Variants in GABRD observed in about 807,000 individuals in gnomAD.
GABRD encodes the protein gamma-aminobutyric acid receptor subunit delta.
In GABRD, 25 loss-of-function variants were observed where a neutral mutation model predicts 47.3. The ratio of observed to expected loss-of-function variants is 0.53; its 90% CI spans 0.39 to 0.74. The LOEUF (loss-of-function observed/expected upper bound fraction) is 0.74, where lower values mean the gene tolerates loss of function less well. Among genes scored for constraint, GABRD ranks in the 30% least tolerant of loss-of-function variants. The probability of loss-of-function intolerance (pLI) is 0.00; values close to 1 mark genes in which losing one functional copy is unlikely to be tolerated. For missense variants in GABRD, 497 were observed against 643.4 expected (o/e 0.77, Z 2.46); for synonymous variants, 314 against 278.8 (o/e 1.13, Z -1.26).
intron 8 of GABRD, 43 bp downstream of exon 8, chr1:2,029,805 C>T (rs966994022): frequency 5.1e-6 from 8 of 1,574,312 alleles, no homozygotes; most frequent in Admixed American, 1.7e-5. Context: ...TGCTGGGGGC[C>T]CCAACCAGGA....
intron 1 of GABRD, among the ~76,000 whole-genome samples, chr1:2,021,758 T>C (rs1311832292): frequency 6.6e-6 from 1 of 152,194 alleles, no homozygotes; most frequent in Non-Finnish European, 1.5e-5. Context: ...GGTGCTCCTC[T>C]TCGCCTTGGT....
rs549716183 is a variant in GABRD at position 2,025,756 on chromosome 1, C to G, written c.470+18C>G. On this transcript the variant is annotated intron_variant, in intron 4 of 8. Coordinates refer to ENST00000378585, the MANE Select transcript of GABRD (RefSeq NM_000815.5). ...AGCATCCGGTGAGCGGGCTGCCCAC[C>G]CGGACTCCGGGGGAGAGCCTGCCCG... The G allele has an allele frequency of 6.2e-7, 1 of 1,605,498 alleles. No homozygotes were observed. Among genetic ancestry groups the G allele is most frequent in the East Asian group, 2.2e-5 (1 of 44,726 alleles).
chr1:2,025,703 G>T lies in GABRD; in HGVS notation c.435G>T (p.Arg145=). The change falls in exon 4 of 9, where the codon CGG becomes CGT. Residue 145 remains arginine (R), a synonymous_variant. Transcript: ENST00000378585. ...TGACGGTGGAGAACAAGCTCATCCG[G>T]CTGCAGCCCGACGGCGTGATCCTGT... The part of the protein sequence containing the change: ...HDVTVENKLI[R]LQPDGVILYS... 1.9e-6 allele frequency: 3 copies of T among 1,612,896 alleles called. No homozygotes were observed. Among genetic ancestry groups the T allele is most frequent in the Non-Finnish European group, 2.5e-6 (3 of 1,179,994 alleles).
intron 4 of GABRD, 159 bp downstream of exon 4, chr1:2,025,897 C>A: frequency 1.6e-6 from 1 of 626,608 alleles, no homozygotes; most frequent in East Asian, 2.8e-5. Flanking sequence ...TATTTATATC[C>A]CCCGCAGCTG....
chr1:2,027,809 G>A (rs550564760), intron 5 of GABRD, 150 bp downstream of exon 5: 23 of 741,992 alleles, frequency 3.1e-5, no homozygotes, highest in South Asian at 6.6e-5. Flanking sequence ...GGCAGGAGGA[G>A]AAGGGGCCAG....
chr1:2,029,286 C>T lies in GABRD; in HGVS notation c.847+20C>T, dbSNP rs1417794289. 6.5e-6 allele frequency: 10 copies of T among 1,545,688 alleles called. No homozygotes were observed. Among genetic ancestry groups the T allele is most frequent in the African/African-American group, 1.4e-5 (1 of 73,228 alleles). ...CTCTAGGTACGGGGCCTCGCCGCTG[C>T]TCCGAGGGAGCTGGAAGGGCGGCCC... is the stretch of plus-strand genomic sequence containing the variant. On this transcript the variant is annotated intron_variant, in intron 7 of 8. Transcript: ENST00000378585.
rs1401170755 is a variant in GABRD, at chr1:2,028,486, C to T, written c.691+194C>T. ...GACGCTGCTGCCTTAGGAACTTGCT[C>T]ATTGGCACCAGCTGCACCTGAACCA... On this transcript the variant is annotated intron_variant, in intron 6 of 8. Transcript: ENST00000378585. The surrounding 1 kb of genome is among the most constrained non-coding windows in gnomAD (Gnocchi z 6.4). Among the ~76,000 whole-genome samples, 1 of 152,288 alleles carries T rather than the reference C, an allele frequency of 6.6e-6. No homozygotes were observed. The highest frequency in any genetic ancestry group is 2.4e-5 in the African/African-American group (1 of 41,574).
At position 2,030,106 on chromosome 1, in the gene GABRD, G is replaced by T. The variant is rs763081509; in HGVS notation, c.1183G>T (p.Gly395Trp). Residue 395 changes from glycine to tryptophan, a missense_variant, in exon 9 of 9, where the codon GGG (glycine) becomes TGG (tryptophan). Transcript: ENST00000378585. Reference sequence around the variant, plus strand: ...CCTGATGGGCTCCTACAGGTCGGTGGGGGTGGAGACAGGGGAGACGAAGAA... The same window carrying T: ...CCTGATGGGCTCCTACAGGTCGGTGTGGGTGGAGACAGGGGAGACGAAGAA... ...GNLMGSYRSV[G>W]VETGETKKEG... 8.8e-6 allele frequency: 14 copies of T among 1,594,020 alleles called. No individual in the cohort carries two copies. Among genetic ancestry groups the T allele is most frequent in the Non-Finnish European group, 1.2e-5 (14 of 1,169,928 alleles).
At chr1:2,029,794 C>G (rs1351683275) in intron 8 of GABRD, 32 bp downstream of exon 8, 2 of 1,593,520 alleles carry the variant, frequency 1.3e-6, no homozygotes, top group Admixed American at 3.3e-5. Context: ...AGGGACAGCA[C>G]TGCTGGGGGC....
rs1310692550 is a variant in GABRD, at chr1:2,025,550, C to T, written c.282C>T (p.Ser94=). The T allele has an allele frequency of 6.2e-7, 1 of 1,613,086 alleles. No individual in the cohort carries two copies. Among genetic ancestry groups the T allele is most frequent in the Admixed American group, 1.7e-5 (1 of 60,034 alleles). Residue 94 remains serine (S), a synonymous_variant, in exon 4 of 9, where the codon AGC becomes AGT. Transcript: ENST00000378585. ...CCATGACGGTGTTCCTGCACCAGAG[C>T]TGGCGGGACAGCAGGCTCTCCTACA... The part of the protein sequence containing the change: ...EYTMTVFLHQ[S]WRDSRLSYNH...
chr1:2,025,517 G>A lies in GABRD; in HGVS notation c.250-1G>A. ...CCCCGGCCCCTGTGCCACCTCCACA[G>A]GAGTACACCATGACGGTGTTCCTGC... is the stretch of plus-strand genomic sequence containing the variant. On this transcript the variant is annotated splice_acceptor_variant, in intron 3 of 8. Coordinates refer to ENST00000378585, the MANE Select transcript of GABRD (RefSeq NM_000815.5). LOFTEE classifies it high-confidence loss of function. 2 of 1,612,960 alleles carry A rather than the reference G, an allele frequency of 1.2e-6. No homozygotes were observed. Among genetic ancestry groups the A allele is most frequent in the Non-Finnish European group, 1.7e-6 (2 of 1,179,910 alleles).
intron 1 of GABRD, among the ~76,000 whole-genome samples, chr1:2,019,997 G>C: frequency 6.6e-6 from 1 of 152,234 alleles, no homozygotes; most frequent in East Asian, 1.9e-4. Flanking sequence ...TGGAGGGTGG[G>C]CCCGGCCTCC....
rs1465354573 is a variant in GABRD, at chr1:2,019,394, C to G, written c.-30C>G. On this transcript the variant is annotated 5_prime_UTR_variant, in exon 1 of 9. Coordinates refer to ENST00000378585, the MANE Select transcript of GABRD (RefSeq NM_000815.5). Reference sequence around the variant, plus strand: ...GTGCGGCCGCCGGGAGCCAAGTTTGCGCGGACCCCGTCCCGAGCCCGCCGC... The same window carrying G: ...GTGCGGCCGCCGGGAGCCAAGTTTGGGCGGACCCCGTCCCGAGCCCGCCGC... 9.5e-7 allele frequency: 1 copy of G among 1,047,226 alleles called. No homozygotes were observed. The highest frequency in any genetic ancestry group is 1.1e-6 in the Non-Finnish European group (1 of 871,662). The allele number at this position is 1,047,226 out of a possible 1,614,324, so 64.9% of individuals were successfully genotyped here. A position where few individuals can be genotyped will look rare whatever the true frequency, so the allele number is the denominator to read the frequency against.
intron 1 of GABRD, chr1:2,022,509 C>T (rs774341403): frequency 2.0e-5 from 3 of 152,276 alleles, no homozygotes; most frequent in South Asian, 4.1e-4. Flanking sequence ...CGTGCCCCCC[C>T]ACATGTGCCA....
intron 1 of GABRD, among the ~76,000 whole-genome samples, chr1:2,023,372 C>T (rs908255293): frequency 8.8e-4 from 134 of 152,070 alleles, no homozygotes; most frequent in African/African-American, 3.2e-3. Context: ...CTTGACTGTG[C>T]CAGACAGGCA....
rs1394486412 is a variant in GABRD at position 2,028,356 on chromosome 1, C to A, written c.691+64C>A. 2 of 1,451,564 alleles carry A rather than the reference C, an allele frequency of 1.4e-6. No homozygotes were observed. The highest frequency in any genetic ancestry group is 2.9e-5 in the African/African-American group (2 of 67,858). 89.9% of individuals were successfully genotyped at this position (1,451,564 alleles called of 1,614,324 possible). On this transcript the variant is annotated intron_variant, in intron 6 of 8. Coordinates refer to ENST00000378585, the MANE Select transcript of GABRD (RefSeq NM_000815.5). The surrounding 1 kb of genome is among the most constrained non-coding windows in gnomAD (Gnocchi z 6.4). Reference sequence around the variant, plus strand: ...GCCCCTTCCGCGCGCGCCCACCGCCCCTTCCGCGCGCGCCCACCGCCCCTT... The same window carrying A: ...GCCCCTTCCGCGCGCGCCCACCGCCACTTCCGCGCGCGCCCACCGCCCCTT...
At chr1:2,029,518 G>T in intron 7 of GABRD, 33 bp from the exon 8 acceptor site, 2 of 1,608,220 alleles carry the variant, frequency 1.2e-6, no homozygotes, top group Non-Finnish European at 8.5e-7. Flanking sequence ...GTGAGGGCAG[G>T]GCTACGACAA....
rs1658879413 is a variant in GABRD at position 2,025,017 on chromosome 1, A to G, written c.144A>G (p.Ile48Met). ...ISWLPNLDGL[I>M]AGYARNFRPG... ...GGCTCCCCAACCTGGACGGGCTGAT[A>G]GCCGGCTACGCCCGCAACTTCCGGC... The change falls in exon 2 of 9, where the codon ATA (isoleucine) becomes ATG (methionine). Residue 48 changes from isoleucine to methionine, a missense_variant. Ile to Met is a conservative substitution (Grantham distance 10). Coordinates refer to ENST00000378585, the MANE Select transcript of GABRD (RefSeq NM_000815.5). 1 of 1,612,602 alleles carries G rather than the reference A, an allele frequency of 6.2e-7. No individual in the cohort carries two copies. The highest frequency in any genetic ancestry group is 1.1e-5 in the South Asian group (1 of 91,094).
rs868533837 is a variant in GABRD at position 2,030,268 on chromosome 1, G to A, written c.1345G>A (p.Ala449Thr). Residue 449 changes from alanine (A) to threonine (T), a missense_variant, in exon 9 of 9, where the codon GCA becomes ACA. Ala to Thr is a moderately conservative substitution (Grantham distance 58). Transcript: ENST00000378585. ...FAAVNVIYWA[A>T]YAM The stretch of plus-strand genomic sequence containing the variant: ...GGCCGTCAATGTCATCTACTGGGCG[G>A]CATACGCCATGTGAGCACAGGACTC... 6.5e-7 allele frequency: 1 copy of A among 1,548,478 alleles called. No homozygotes were observed. The highest frequency in any genetic ancestry group is 1.2e-5 in the South Asian group (1 of 83,122).
Sources: allele counts gnomAD v4.1 joint callset (sites outside exome capture counted in the v4.1 genomes callset), GRCh38; gene constraint gnomAD v4.1.1; non-coding constraint Gnocchi (gnomAD v3.1); transcripts MANE v1.5; gene names NCBI Gene and HGNC (gene_info 2026-07-23, HGNC 2026-07-21).